LAMA1: variants seen among roughly 807,000 people sequenced by gnomAD.
LAMA1 encodes the protein laminin subunit alpha 1.
In LAMA1, 219 loss-of-function variants were observed where a neutral mutation model predicts 348.7. The observed-to-expected ratio is 0.63, with a 90% CI of 0.56 to 0.70. The LOEUF (loss-of-function observed/expected upper bound fraction) is 0.70. LAMA1 is among the 30% of genes least tolerant of loss of function. The pLI, the probability that LAMA1 is intolerant of heterozygous loss-of-function variation, is 0.00. For synonymous variants in LAMA1, 1,487 were observed against 1,491.0 expected (o/e 1.00, Z 0.06); for missense variants, 3,744 against 3,888.0 (o/e 0.96, Z 0.99).
chr18:6,999,598 C>A lies in LAMA1; in HGVS notation c.4510G>T (p.Gly1504Cys). 6.2e-7 allele frequency: 1 copy of A among 1,613,718 alleles called. No homozygotes were observed. The highest frequency in any genetic ancestry group is 1.1e-5 in the South Asian group (1 of 90,990). The change falls in exon 32 of 63, where the codon GGC becomes TGC. Residue 1504 changes from glycine (G) to cysteine (C), a missense_variant. Physicochemically the swap from Gly to Cys is radical, Grantham distance 159. This residue lies in a region of LAMA1 where 1,983 missense variants were observed against 1,934.3 expected (regional missense o/e 1.03). Coordinates refer to ENST00000389658, the MANE Select transcript of LAMA1 (RefSeq NM_005559.4). Reference sequence around the variant, plus strand: ...TTGCAGTCACACTTCTGGCAACTGCCACCTGGTGTTTGAGGGTTCCCATAA... The same window carrying A: ...TTGCAGTCACACTTCTGGCAACTGCAACCTGGTGTTTGAGGGTTCCCATAA... ...SYYGNPQTPG[G>C]SCQKCDCNPH...
rs34001050 is a variant in LAMA1, at chr18:6,991,389, CTTT to C, written c.5168+1169_5168+1171del. On this transcript the variant is annotated intron_variant, in intron 36 of 62. Coordinates refer to ENST00000389658, the MANE Select transcript of LAMA1 (RefSeq NM_005559.4). Reference sequence around the variant, plus strand: ...TGACTAAATAATTCCACTTCTTCTTCTTTTTTTTTTTTTTTTTTTGAGACGGAG... The same window carrying C: ...TGACTAAATAATTCCACTTCTTCTTCTTTTTTTTTTTTTTTTGAGACGGAG... Among the ~76,000 whole-genome samples the C allele has an allele frequency of 2.7e-3, 318 of 118,430 alleles. 4 individuals carry two copies. The highest frequency in any genetic ancestry group is 9.7e-3 in the African/African-American group (292 of 30,228). The allele number at this position is 118,430 out of a possible 152,430, so 77.7% of individuals were successfully genotyped here. A position where few individuals can be genotyped will look rare whatever the true frequency, so the allele number is the denominator to read the frequency against.
chr18:7,107,555 A>C (rs1303329909), intron 1 of LAMA1, among the ~76,000 whole-genome samples: 2 of 152,182 alleles, frequency 1.3e-5, no homozygotes, highest in Non-Finnish European at 2.9e-5. Flanking sequence ...ACTACCTTTG[A>C]ACATCCTTGA....
At chr18:6,975,867 A>C in intron 45 of LAMA1, 70 bp downstream of exon 45, 1 of 1,597,428 alleles carries the variant, frequency 6.3e-7, no homozygotes, top group Non-Finnish European at 8.6e-7. Context: ...TCGTCAAATA[A>C]GTGAAAATTC....
chr18:6,981,140 C>T (rs1346442605), intron 41 of LAMA1, among the ~76,000 whole-genome samples: 1 of 151,984 alleles, frequency 6.6e-6, no homozygotes, highest in Non-Finnish European at 1.5e-5. Context: ...GTGTTTCTAG[C>T]TTGCTCGATC....
intron 3 of LAMA1, among the ~76,000 whole-genome samples, chr18:7,077,199 CTTTTT>C (rs71165719): frequency 8.3e-6 from 1 of 119,792 alleles, no homozygotes; most frequent in Admixed American, 9.0e-5. Flanking sequence ...CTGTTCTTTT[CTTTTT>C]TTTTTTTTTT....
At chr18:7,097,499 C>CTTTTTTT (rs10566387) in intron 1 of LAMA1, among the ~76,000 whole-genome samples, 1 of 109,900 alleles carries the variant, frequency 9.1e-6, no homozygotes, top group Non-Finnish European at 1.9e-5. Context: ...TCTCAGCTGG[C>CTTTTTTT]TTTTTTTTTT....
chr18:7,098,765 G>A, intron 1 of LAMA1, among the ~76,000 whole-genome samples: 1 of 133,852 alleles, frequency 7.5e-6, no homozygotes, highest in South Asian at 2.6e-4. Flanking sequence ...CAGGAGGTGA[G>A]GGGCGCCTCT....
At chr18:6,950,281 G>A (rs2057540653) in intron 58 of LAMA1, among the ~76,000 whole-genome samples, 1 of 152,144 alleles carries the variant, frequency 6.6e-6, no homozygotes, top group Non-Finnish European at 1.5e-5. Context: ...TGGGGAGGCG[G>A]CTTTGAGAAT....
intron 27 of LAMA1, 47 bp from the exon 28 acceptor site, chr18:7,008,655 C>G: frequency 6.2e-7 from 1 of 1,609,880 alleles, no homozygotes; most frequent in Non-Finnish European, 8.5e-7. Flanking sequence ...ATTTGAAAAA[C>G]TTTCTAGAAA....
chr18:7,021,670 T>A (rs893967479), intron 19 of LAMA1, among the ~76,000 whole-genome samples: 1 of 151,544 alleles, frequency 6.6e-6, no homozygotes, highest in Non-Finnish European at 1.5e-5. Flanking sequence ...TCAGATAGAA[T>A]GTATTATTAA....
At chr18:6,976,665 G>A (rs1331368549) in intron 44 of LAMA1, among the ~76,000 whole-genome samples, 1 of 151,744 alleles carries the variant, frequency 6.6e-6, no homozygotes, top group African/African-American at 2.4e-5. Context: ...GGAGTGCAGT[G>A]GCGTGATCAT....
intron 1 of LAMA1, among the ~76,000 whole-genome samples, chr18:7,103,009 G>C (rs1286336130): frequency 6.6e-6 from 1 of 152,220 alleles, no homozygotes; most frequent in African/African-American, 2.4e-5. Context: ...CTGGTTACTA[G>C]ATTCTGTGGA....
intron 57 of LAMA1, among the ~76,000 whole-genome samples, chr18:6,952,962 T>C (rs1038687537): frequency 3.4e-5 from 5 of 146,466 alleles, no homozygotes; most frequent in African/African-American, 1.3e-4. Flanking sequence ...ATGGGAGCCA[T>C]GTCTGCCTGT....
At chr18:7,038,043 A>C (rs891672725) in intron 11 of LAMA1, among the ~76,000 whole-genome samples, 16 of 152,160 alleles carry the variant, frequency 1.1e-4, no homozygotes. Context: ...TAAAACAACA[A>C]AGAACATCAT....
intron 3 of LAMA1, 129 bp from the exon 4 acceptor site, chr18:7,051,065 G>A (rs2058060830): frequency 1.6e-6 from 2 of 1,246,052 alleles, no homozygotes; most frequent in South Asian, 1.3e-5. Context: ...ACAGTAGAAT[G>A]GTGGCTGCCA....
chr18:7,013,806 G>A lies in LAMA1; in HGVS notation c.3363+9C>T, dbSNP rs200796194. The A allele has an allele frequency of 2.6e-4, 412 of 1,610,148 alleles. 1 individual carries two copies. In the African/African-American group the frequency reaches 4.8e-3, roughly 19 times the overall value. ...GACAGGATGAAAGAGGAGGATGGATGGTAAATACCTTGCAAGGGCAGGCCC... is the reference window on the plus strand; with the variant it reads ...GACAGGATGAAAGAGGAGGATGGATAGTAAATACCTTGCAAGGGCAGGCCC... On this transcript the variant is annotated intron_variant, in intron 23 of 62. Coordinates refer to ENST00000389658, the MANE Select transcript of LAMA1 (RefSeq NM_005559.4).
rs1422576225 is a variant in LAMA1 at position 6,958,631 on chromosome 18, G to T, written c.7810C>A (p.Pro2604Thr). 7 of 1,613,968 alleles carry T rather than the reference G, an allele frequency of 4.3e-6. No individual in the cohort carries two copies. The highest frequency in any genetic ancestry group is 3.3e-5 in the South Asian group (3 of 91,084). The change falls in exon 55 of 63, where the codon CCT becomes ACT. Residue 2604 changes from proline to threonine, a missense_variant. Pro to Thr is a conservative substitution (Grantham distance 38). This residue lies in a region of LAMA1 where 1,983 missense variants were observed against 1,934.3 expected (regional missense o/e 1.03). Transcript: ENST00000389658. ...IITVQLDENNPVEMKLGTLVE... is the reference protein window; with the variant it reads ...IITVQLDENNTVEMKLGTLVE... ...AATGTGCCCAACTTCATTTCCACAG[G>T]ATTGTTCTCATCCAATTGGACAGTG... is the stretch of plus-strand genomic sequence containing the variant.
intron 3 of LAMA1, among the ~76,000 whole-genome samples, chr18:7,057,883 C>T (rs60434401): frequency 0.049 from 7,399 of 151,834 alleles, 583 homozygotes; most frequent in African/African-American, 0.17. Flanking sequence ...CAACCTCCAC[C>T]TCCTGGGCTC....
At chr18:6,942,463 G>C (rs375370147) in intron 62 of LAMA1, among the ~76,000 whole-genome samples, 1 of 151,026 alleles carries the variant, frequency 6.6e-6, no homozygotes, top group East Asian at 1.9e-4. Flanking sequence ...ACCTAGGCTG[G>C]AGTGCAGTGG....
Sources: gnomAD v4.1 joint callset for allele counts (sites outside exome capture counted in the v4.1 genomes callset) on GRCh38, gnomAD v4.1.1 for gene constraint, gnomAD v4.1.1 regional missense constraint, MANE v1.5 for transcripts, NCBI Gene and HGNC (gene_info 2026-07-23, HGNC 2026-07-21) for gene names.